SLC7A2: variants seen among roughly 807,000 people sequenced by gnomAD.
SLC7A2 encodes solute carrier family 7 member 2, also known as cationic amino acid transporter 2.
In SLC7A2, 48 loss-of-function variants were observed where a neutral mutation model predicts 58.9. The observed-to-expected ratio is 0.82, with a 90% CI of 0.65 to 1.04. SLC7A2 has a LOEUF of 1.04. Among genes scored for constraint, SLC7A2 ranks in the 50% least tolerant of loss-of-function variants. The pLI is 0.00. For synonymous variants in SLC7A2, 363 were observed against 314.5 expected (o/e 1.15, Z -1.63); for missense variants, 1,029 against 818.8 (o/e 1.26, Z -3.13).
chr8:17,533,894 A>T (rs138433174), intron 2 of SLC7A2, among the ~76,000 whole-genome samples: 1,531 of 152,234 alleles, frequency 0.01, 11 homozygotes, highest in Non-Finnish European at 0.015. Flanking sequence ...TTAGCTGTTT[A>T]TCCTGATGCT....
At chr8:17,564,139 T>G (rs1803155037) in intron 12 of SLC7A2, among the ~76,000 whole-genome samples, 1 of 152,218 alleles carries the variant, frequency 6.6e-6, no homozygotes, top group African/African-American at 2.4e-5. Context: ...CTTCGGACTC[T>G]CCTGGTGACA....
chr8:17,552,473 A>C (rs1802499868), intron 7 of SLC7A2, among the ~76,000 whole-genome samples: 1 of 152,216 alleles, frequency 6.6e-6, no homozygotes, highest in Non-Finnish European at 1.5e-5. Context: ...TAAAAATATA[A>C]TGTGCTTTTT....
intron 2 of SLC7A2, among the ~76,000 whole-genome samples, chr8:17,517,384 A>G (rs890999456): frequency 3.3e-5 from 5 of 152,246 alleles, no homozygotes; most frequent in African/African-American, 1.2e-4. Flanking sequence ...CAAGAATATT[A>G]GAGATTGAGA....
At chr8:17,516,488 A>G (rs1355592699) in intron 2 of SLC7A2, among the ~76,000 whole-genome samples, 1 of 152,070 alleles carries the variant, frequency 6.6e-6, no homozygotes, top group Non-Finnish European at 1.5e-5. Context: ...CCACCCAAAG[A>G]GCTGGGATGA....
At chr8:17,523,691 A>G (rs1358267864) in intron 2 of SLC7A2, among the ~76,000 whole-genome samples, 1 of 152,234 alleles carries the variant, frequency 6.6e-6, no homozygotes, top group Non-Finnish European at 1.5e-5. Context: ...ACCCTTCTAG[A>G]CATTGGCTTA....
chr8:17,568,073 TAATC>T lies in SLC7A2; in HGVS notation c.*2934_*2937del, dbSNP rs1803346912. 2 of 152,252 alleles carry T rather than the reference TAATC, an allele frequency of 1.3e-5. No individual in the cohort carries two copies. The highest frequency in any genetic ancestry group is 4.8e-5 in the African/African-American group (2 of 41,552). The allele number at this position is 152,252 out of a possible 1,614,324, so 9.4% of individuals were successfully genotyped here. A position where few individuals can be genotyped will look rare whatever the true frequency, so the allele number is the denominator to read the frequency against. ...AAATGTTTTGTAGAGTTTTGACTAG[TAATC>T]AATCAAAATTATATAAAGTCTTCTC... On this transcript the variant is annotated 3_prime_UTR_variant, in exon 13 of 13. Transcript: ENST00000494857.
In SLC7A2 at chr8:17,566,655, C is replaced by G. The variant is rs1323957891; in HGVS notation, c.*1509C>G. ...TTAAAGCTATATAAACACAGTTAAC[C>G]CTTGTAAATGAGTAAACAAATTTTT... On this transcript the variant is annotated 3_prime_UTR_variant, in exon 13 of 13. Transcript: ENST00000494857. 1 of 152,038 alleles carries G rather than the reference C, an allele frequency of 6.6e-6. No individual in the cohort carries two copies. The highest frequency in any genetic ancestry group is 1.5e-5 in the Non-Finnish European group (1 of 68,010). The allele number at this position is 152,038 out of a possible 1,614,324, so 9.4% of individuals were successfully genotyped here.
chr8:17,544,573 T>C lies in SLC7A2; in HGVS notation c.499T>C (p.Phe167Leu), dbSNP rs538493348. The C allele has an allele frequency of 6.2e-7, 1 of 1,614,098 alleles. No individual in the cohort carries two copies. Among genetic ancestry groups the C allele is most frequent in the Non-Finnish European group, 8.5e-7 (1 of 1,179,968 alleles). Reference protein sequence around the residue: ...NYTGLAEYPDFFAVCLILLLA... With the variant: ...NYTGLAEYPDLFAVCLILLLA... ...CACTGGTCTTGCAGAATATCCCGAT[T>C]TTTTTGCTGTGTGCCTTATATTACT... Residue 167 changes from phenylalanine (F) to leucine (L), a missense_variant, in exon 4 of 13, where the codon TTT (phenylalanine) becomes CTT (leucine). By Grantham distance (22) the Phe-to-Leu change is conservative. Transcript: ENST00000494857.
chr8:17,554,031 G>C (rs1802574108), intron 7 of SLC7A2, among the ~76,000 whole-genome samples: 1 of 151,854 alleles, frequency 6.6e-6, no homozygotes. Flanking sequence ...TATGATGCTG[G>C]GGATTATTAC....
chr8:17,516,683 T>G (rs899315954), intron 2 of SLC7A2, among the ~76,000 whole-genome samples: 1 of 152,244 alleles, frequency 6.6e-6, no homozygotes, highest in Non-Finnish European at 1.5e-5. Flanking sequence ...ACCTGCAGTT[T>G]CTTTCATTGC....
intron 11 of SLC7A2, 71 bp downstream of exon 11, chr8:17,562,181 T>G: frequency 1.4e-4 from 1 of 7,190 alleles, no homozygotes; most frequent in Non-Finnish European, 2.2e-4. Context: ...TTGGTAAGTA[T>G]TTTTTTTTTT....
chr8:17,532,691 A>G (rs1355021965), intron 2 of SLC7A2, among the ~76,000 whole-genome samples: 1 of 152,246 alleles, frequency 6.6e-6, no homozygotes, highest in Non-Finnish European at 1.5e-5. Context: ...AGTAGAATAG[A>G]AATGTGACAA....
At chr8:17,526,377 G>T (rs879115761) in intron 2 of SLC7A2, among the ~76,000 whole-genome samples, 1 of 152,202 alleles carries the variant, frequency 6.6e-6, no homozygotes, top group Admixed American at 6.5e-5. Flanking sequence ...GGGAAGCAGA[G>T]CTCCTAAATC....
intron 6 of SLC7A2, 130 bp from the exon 7 acceptor site, chr8:17,551,634 A>T: frequency 1.4e-6 from 1 of 704,654 alleles, no homozygotes; most frequent in Admixed American, 2.4e-5. Context: ...AAATAGATGG[A>T]CCAAGATAAG....
At position 17,554,414 on chromosome 8, in the gene SLC7A2, AAAT is replaced by A. The variant is rs1387009593; in HGVS notation, c.1056-142_1056-140del. 4.9e-5 allele frequency: 31 copies of A among 627,502 alleles called. No individual in the cohort carries two copies. In the Middle Eastern group the frequency reaches 1.2e-3, roughly 24 times the overall value. The allele number at this position is 627,502 out of a possible 1,614,324, so 38.9% of individuals were successfully genotyped here. ...AATGCCCTATCATAGTGCATTTAAAAAATAATGACATAATTATTAATATAAATA... is the reference window on the plus strand; with the variant it reads ...AATGCCCTATCATAGTGCATTTAAAAAATGACATAATTATTAATATAAATA... On this transcript the variant is annotated intron_variant, in intron 7 of 12. Coordinates refer to ENST00000494857, the MANE Select transcript of SLC7A2 (RefSeq NM_001370338.1).
chr8:17,505,740 G>A (rs576962623), intron 2 of SLC7A2, among the ~76,000 whole-genome samples: 1 of 152,316 alleles, frequency 6.6e-6, no homozygotes, highest in Admixed American at 6.5e-5. Context: ...CATCTTTAGT[G>A]TGACATTTGA....
chr8:17,510,093 G>A (rs553393804), intron 2 of SLC7A2, among the ~76,000 whole-genome samples: 202 of 152,094 alleles, frequency 1.3e-3, no homozygotes, highest in African/African-American at 4.8e-3. Flanking sequence ...GATAGCAGGC[G>A]ACTGTAATCC....
intron 2 of SLC7A2, among the ~76,000 whole-genome samples, chr8:17,512,686 A>C (rs1166944480): frequency 2.6e-5 from 4 of 152,190 alleles, no homozygotes. Context: ...CATCTTAGCC[A>C]AGGGTTCAGT....
chr8:17,519,837 C>G (rs1800943233), intron 2 of SLC7A2, among the ~76,000 whole-genome samples: 1 of 95,088 alleles, frequency 1.1e-5, no homozygotes, highest in African/African-American at 3.9e-5. Context: ...CTAAAATATT[C>G]TTTATGATGT....
Sources: gnomAD v4.1 joint callset for allele counts (sites outside exome capture counted in the v4.1 genomes callset) on GRCh38, gnomAD v4.1.1 for gene constraint, MANE v1.5 for transcripts, NCBI Gene and HGNC (gene_info 2026-07-23, HGNC 2026-07-21) for gene names.